Variants in ITSN2 observed in about 807,000 individuals in gnomAD.
ITSN2 encodes the protein intersectin-2.
ITSN2 carries 156 observed loss-of-function variants against 243.7 expected under a neutral mutation model. That is an observed-to-expected ratio of 0.64 (90% CI 0.56 to 0.73). The LOEUF (loss-of-function observed/expected upper bound fraction) is 0.73. Among genes scored for constraint, ITSN2 ranks in the 30% least tolerant of loss-of-function variants. The probability of loss-of-function intolerance (pLI) is 0.00; values close to 1 mark genes in which losing one functional copy is unlikely to be tolerated. For missense variants in ITSN2, 1,801 were observed against 1,996.1 expected (o/e 0.90, Z 1.86); for synonymous variants, 703 against 699.9 (o/e 1.00, Z -0.07).
rs1169929212 is a variant in ITSN2, at chr2:24,294,757, A to G, written c.1635+907T>C. On this transcript the variant is annotated intron_variant, in intron 14 of 39. Coordinates refer to ENST00000355123, the MANE Select transcript of ITSN2 (RefSeq NM_006277.3). ...CAATAACCTTATTTTAATGTATGAT[A>G]TGGTCTGAATGTTGGTATGTCCCCA... 2.6e-5 allele frequency among the ~76,000 whole-genome samples: 4 copies of G among 152,294 alleles called. No homozygotes were observed. The East Asian group carries it at 5.8e-4, about 22-fold the overall frequency.
intron 17 of ITSN2, among the ~76,000 whole-genome samples, chr2:24,281,128 A>C (rs759924870): frequency 1.3e-5 from 2 of 152,146 alleles, no homozygotes; most frequent in African/African-American, 2.4e-5. Context: ...TCCCAGATTC[A>C]AGCAATTCTC....
At chr2:24,306,288 GAATT>G (rs1434646436) in intron 8 of ITSN2, among the ~76,000 whole-genome samples, 1 of 152,100 alleles carries the variant, frequency 6.6e-6, no homozygotes, top group East Asian at 1.9e-4. Flanking sequence ...CCTGCCTAAT[GAATT>G]TTTACACAGG....
rs1284918622 is a variant in ITSN2 at position 24,286,295 on chromosome 2, T to G, written c.1780A>C (p.Arg594=). ...AGAGCATCTAACTGTTCTTTAAGTC[T>G]TTGGCATAATTCTTCCTTTTCTAAT... ...KSLEKEELCQ[R]LKEQLDALEK... is the part of the protein sequence containing the mutation. The change falls in exon 16 of 40, where the codon AGA becomes CGA. Residue 594 remains arginine (R), a synonymous_variant. Coordinates refer to ENST00000355123, the MANE Select transcript of ITSN2 (RefSeq NM_006277.3). 1 of 1,606,794 alleles carries G rather than the reference T, an allele frequency of 6.2e-7. No individual in the cohort carries two copies. Among genetic ancestry groups the G allele is most frequent in the Admixed American group, 1.7e-5 (1 of 59,938 alleles).
intron 1 of ITSN2, among the ~76,000 whole-genome samples, chr2:24,338,337 C>G (rs921257260): frequency 6.6e-6 from 1 of 152,084 alleles, no homozygotes; most frequent in Non-Finnish European, 1.5e-5. Context: ...TCGAGTTGTC[C>G]CACCTTTCTG....
At chr2:24,256,881 T>C (rs1348772904) in intron 23 of ITSN2, among the ~76,000 whole-genome samples, 1 of 152,208 alleles carries the variant, frequency 6.6e-6, no homozygotes, top group Non-Finnish European at 1.5e-5. Flanking sequence ...TCAGGGAATC[T>C]TGGAGACTCA....
chr2:24,284,713 T>A, intron 17 of ITSN2, 50 bp downstream of exon 17: 2 of 1,121,546 alleles, frequency 1.8e-6, no homozygotes, highest in Non-Finnish European at 2.7e-6. Flanking sequence ...TTTAAAAAAA[T>A]AAAACAGCAA....
Position 24,299,946 on chromosome 2 carries a change from CGTT to C in ITSN2, c.1304_1306del (p.Gln435del), listed in dbSNP as rs2151657571. ...TATGTCTTTTCTCCTTTCTTCCTCT[CGTT>C]GTCTCTCCAATTCCCGTTGCTTCTC... On this transcript the variant is annotated inframe_deletion, in exon 12 of 40. Coordinates refer to ENST00000355123, the MANE Select transcript of ITSN2 (RefSeq NM_006277.3). The C allele has an allele frequency of 6.2e-7, 1 of 1,613,100 alleles. No homozygotes were observed. Among genetic ancestry groups the C allele is most frequent in the East Asian group, 2.2e-5 (1 of 44,886 alleles).
At chr2:24,221,192 C>T (rs931588377) in intron 29 of ITSN2, 126 bp from the exon 30 acceptor site, 26 of 1,044,670 alleles carry the variant, frequency 2.5e-5, no homozygotes, top group African/African-American at 3.3e-5. Context: ...TTAAAAAGGA[C>T]GCTGCTAACT....
At chr2:24,323,347 T>A (rs779869290) in intron 2 of ITSN2, among the ~76,000 whole-genome samples, 7 of 152,224 alleles carry the variant, frequency 4.6e-5, no homozygotes, top group Non-Finnish European at 8.8e-5. Flanking sequence ...CCTGAACGGC[T>A]GAATGGATAA....
intron 15 of ITSN2, among the ~76,000 whole-genome samples, chr2:24,287,372 CCTCT>C: frequency 6.6e-6 from 1 of 152,166 alleles, no homozygotes; most frequent in African/African-American, 2.4e-5. Context: ...TTTTCCCCTC[CCTCT>C]AACCCCTGGT....
chr2:24,352,300 TACA>T (rs1688094152), intron 1 of ITSN2, among the ~76,000 whole-genome samples: 1 of 152,196 alleles, frequency 6.6e-6, no homozygotes, highest in Non-Finnish European at 1.5e-5. Context: ...TTATGATTAT[TACA>T]ACAATTATTT....
Position 24,261,761 on chromosome 2 carries a change from G to T in ITSN2, c.2356-19C>A. ...CATCAACCTACGGAAATAAAAAGAAGGATTAACAGTGCTTAGAAATTCACA... is the reference window on the plus strand; with the variant it reads ...CATCAACCTACGGAAATAAAAAGAATGATTAACAGTGCTTAGAAATTCACA... On this transcript the variant is annotated intron_variant, in intron 20 of 39. Coordinates refer to ENST00000355123, the MANE Select transcript of ITSN2 (RefSeq NM_006277.3). 1 of 1,573,780 alleles carries T rather than the reference G, an allele frequency of 6.4e-7. No individual in the cohort carries two copies. The highest frequency in any genetic ancestry group is 8.7e-7 in the Non-Finnish European group (1 of 1,150,194).
rs1248791212 is a variant in ITSN2 at position 24,350,524 on chromosome 2, T to C, written c.-34+9780A>G. On this transcript the variant is annotated intron_variant, in intron 1 of 39. Coordinates refer to ENST00000355123, the MANE Select transcript of ITSN2 (RefSeq NM_006277.3). ...TGTCCCAAAACCTGTACACAAATGC[T>C]CACAGCAGCATTATTCACAATAGCC... 6.6e-5 allele frequency among the ~76,000 whole-genome samples: 10 copies of C among 152,068 alleles called. No homozygotes were observed. In the East Asian group the frequency reaches 1.5e-3, roughly 23 times the overall value.
intron 8 of ITSN2, among the ~76,000 whole-genome samples, chr2:24,308,064 A>G (rs1682779110): frequency 6.6e-6 from 1 of 152,184 alleles, no homozygotes; most frequent in Non-Finnish European, 1.5e-5. Flanking sequence ...CTACTTGCCT[A>G]TTACCCTCTG....
Position 24,300,044 on chromosome 2 carries a change from C to G in ITSN2, c.1209G>C (p.Glu403Asp), listed in dbSNP as rs1681520355. ...GTAATTCTCTCTGTTTTCGTTCCCACTCTTCCTTTTCTTTCTGGGCTTTAC... is the reference window on the plus strand; with the variant it reads ...GTAATTCTCTCTGTTTTCGTTCCCAGTCTTCCTTTTCTTTCTGGGCTTTAC... ...AERKAQKEKE[E>D]WERKQRELQE... Residue 403 changes from glutamate (E) to aspartate (D), a missense_variant, in exon 12 of 40, where the codon GAG (glutamate) becomes GAC (aspartate). Glu to Asp is a conservative substitution (Grantham distance 45). This residue lies in a region of ITSN2 where 787 missense variants were observed against 803.9 expected (regional missense o/e 0.98). Transcript: ENST00000355123. 6.2e-7 allele frequency: 1 copy of G among 1,614,086 alleles called. No individual in the cohort carries two copies. Among genetic ancestry groups the G allele is most frequent in the Admixed American group, 1.7e-5 (1 of 60,006 alleles).
In ITSN2 at chr2:24,204,627, G is replaced by A; in HGVS notation, c.4763-209C>T. On this transcript the variant is annotated intron_variant, in intron 38 of 39. Coordinates refer to ENST00000355123, the MANE Select transcript of ITSN2 (RefSeq NM_006277.3). This position sits in a 1 kb window ranked among gnomAD's most constrained non-coding sequence, Gnocchi z 5.1. ...TGACAGCAGCATTAACTGGGGAGTG[G>A]CCGAGAGCTCCACCGCCAGGACCAC... 1.5e-6 allele frequency: 1 copy of A among 655,094 alleles called. No homozygotes were observed. Among genetic ancestry groups the A allele is most frequent in the Non-Finnish European group, 2.8e-6 (1 of 355,168 alleles). The allele number at this position is 655,094 out of a possible 1,614,324, so 40.6% of individuals were successfully genotyped here. A position where few individuals can be genotyped will look rare whatever the true frequency, so the allele number is the denominator to read the frequency against.
At chr2:24,216,972 T>C (rs1179653754) in intron 31 of ITSN2, among the ~76,000 whole-genome samples, 1 of 151,666 alleles carries the variant, frequency 6.6e-6, no homozygotes, top group Non-Finnish European at 1.5e-5. Context: ...GTATCCCAGC[T>C]ACTCGGGAGG....
intron 17 of ITSN2, among the ~76,000 whole-genome samples, chr2:24,280,958 C>T (rs1678693767): frequency 2.0e-5 from 3 of 152,156 alleles, no homozygotes; most frequent in African/African-American, 7.2e-5. Context: ...ACCAAATATC[C>T]CATTCTTCAA....
In ITSN2 at chr2:24,210,010, G is replaced by C. The variant is rs752307359; in HGVS notation, c.4281C>G (p.Thr1427=). ...LAEQLIFNSL[T]NCLGPRKLLH... ...AGAGCTTCCGGGGCCCCAGGCAGTT[G>C]GTGAGAGAGTTGAAAATAAGTTGCT... The change falls in exon 35 of 40, where the codon ACC becomes ACG. Residue 1427 remains threonine, a synonymous_variant. Transcript: ENST00000355123. 4.3e-6 allele frequency: 7 copies of C among 1,613,616 alleles called. No individual in the cohort carries two copies. The highest frequency in any genetic ancestry group is 5.9e-6 in the Non-Finnish European group (7 of 1,179,652).
Sources: allele counts gnomAD v4.1 joint callset (sites outside exome capture counted in the v4.1 genomes callset), GRCh38; gene constraint gnomAD v4.1.1; regional missense constraint gnomAD v4.1.1; non-coding constraint Gnocchi (gnomAD v3.1); transcripts MANE v1.5; gene names NCBI Gene and HGNC (gene_info 2026-07-23, HGNC 2026-07-21).